Variants in LARP1 observed in about 807,000 individuals in gnomAD.
LARP1 encodes the protein La ribonucleoprotein 1, translational regulator, also known as la-related protein 1.
A neutral mutation model predicts 122.7 loss-of-function variants in LARP1; 36 were observed. The ratio of observed to expected loss-of-function variants is 0.29; its 90% CI spans 0.22 to 0.39. The LOEUF (loss-of-function observed/expected upper bound fraction) is 0.39, where lower values mean the gene tolerates loss of function less well. Ranked by LOEUF, LARP1 falls within the 10% of genes least tolerant of loss-of-function variation. The probability of loss-of-function intolerance (pLI) is 1.00; values close to 1 mark genes in which losing one functional copy is unlikely to be tolerated. For missense variants in LARP1, 1,040 were observed against 1,403.6 expected, an observed-to-expected ratio of 0.74 and a Z score of 4.14; for synonymous variants, 539 against 528.7, an observed-to-expected ratio of 1.02 and a Z score of -0.27.
intron 1 of LARP1, among the ~76,000 whole-genome samples, chr5:154,748,080 C>G (rs531385060): frequency 6.6e-6 from 1 of 152,280 alleles, no homozygotes; most frequent in Admixed American, 6.5e-5. Flanking sequence ...GAACTCCTGG[C>G]CTCAAGGGAT....
intron 1 of LARP1, among the ~76,000 whole-genome samples, chr5:154,714,592 G>A (rs1755388706): frequency 6.6e-6 from 1 of 152,132 alleles, no homozygotes; most frequent in Non-Finnish European, 1.5e-5. Flanking sequence ...GATGACCCTG[G>A]GTGTAAGTCA....
intron 14 of LARP1, chr5:154,804,670 GA>G (rs1758614031): frequency 2.4e-6 from 1 of 422,048 alleles, no homozygotes; most frequent in Non-Finnish European, 4.6e-6. Context: ...GAGGCTACTT[GA>G]AAAGTTTTAA....
chr5:154,801,919 G>A, intron 10 of LARP1, 88 bp from the exon 11 acceptor site: 1 of 1,300,306 alleles, frequency 7.7e-7, no homozygotes, highest in Non-Finnish European at 1.1e-6. Flanking sequence ...ATGTTGAGAG[G>A]CTGGAGCTTC....
chr5:154,772,894 T>G (rs1301185036), intron 1 of LARP1, among the ~76,000 whole-genome samples: 1 of 151,880 alleles, frequency 6.6e-6, no homozygotes, highest in Non-Finnish European at 1.5e-5. Flanking sequence ...TCCGTGTCGG[T>G]CAGTCTGGTC....
chr5:154,759,466 T>TA (rs1218808999), intron 1 of LARP1, among the ~76,000 whole-genome samples: 6 of 152,244 alleles, frequency 3.9e-5, no homozygotes, highest in Non-Finnish European at 8.8e-5. Context: ...TGCTGACTCT[T>TA]AAGAATTAGC....
chr5:154,733,820 C>A (rs1178583833), intron 1 of LARP1, among the ~76,000 whole-genome samples: 2 of 152,062 alleles, frequency 1.3e-5, no homozygotes, highest in African/African-American at 4.8e-5. Context: ...ACCTCGGCCT[C>A]TTAAAGTGGT....
At chr5:154,748,560 T>C (rs1226765724) in intron 1 of LARP1, among the ~76,000 whole-genome samples, 1 of 152,190 alleles carries the variant, frequency 6.6e-6, no homozygotes, top group African/African-American at 2.4e-5. Context: ...AGTTGACATT[T>C]GGTGCTGAGC....
At chr5:154,743,411 C>T (rs1018888550) in intron 1 of LARP1, among the ~76,000 whole-genome samples, 1 of 151,340 alleles carries the variant, frequency 6.6e-6, no homozygotes, top group Non-Finnish European at 1.5e-5. Context: ...CGGGTTCAAG[C>T]GATTCTCCTG....
chr5:154,724,909 T>C (rs1756103148), intron 1 of LARP1, among the ~76,000 whole-genome samples: 2 of 152,100 alleles, frequency 1.3e-5, no homozygotes, highest in Non-Finnish European at 2.9e-5. Flanking sequence ...TCAAGTGATC[T>C]GCCCACCTTG....
At chr5:154,811,451 C>T (rs1759262823) in intron 17 of LARP1, 62 bp from the exon 18 acceptor site, 1 of 1,612,374 alleles carries the variant, frequency 6.2e-7, no homozygotes, top group African/African-American at 1.3e-5. Flanking sequence ...CACAACACCT[C>T]CCTCTCTCCT....
At chr5:154,709,087 G>C (rs539111306), upstream of LARP1, among the ~76,000 whole-genome samples, 1 of 152,200 alleles carries the variant, frequency 6.6e-6, no homozygotes, top group African/African-American at 2.4e-5. Flanking sequence ...AATTTGTCCA[G>C]TTGTGGTGCT....
chr5:154,779,658 G>A (rs1456294330), intron 1 of LARP1, among the ~76,000 whole-genome samples: 5 of 151,998 alleles, frequency 3.3e-5, no homozygotes, highest in East Asian at 1.9e-4. Flanking sequence ...ACAGGCATGC[G>A]CCACCACACC....
chr5:154,683,720 G>A (rs563006983), intron 1 of LARP1, among the ~76,000 whole-genome samples: 8 of 152,334 alleles, frequency 5.3e-5, no homozygotes, highest in African/African-American at 1.9e-4. Context: ...TGGCCTTAAA[G>A]CTGAAGGGGA....
chr5:154,748,647 A>C (rs746982136), intron 1 of LARP1, among the ~76,000 whole-genome samples: 1 of 152,190 alleles, frequency 6.6e-6, no homozygotes, highest in African/African-American at 2.4e-5. Context: ...ATGAAAGGGA[A>C]TATTACTTAG....
At chr5:154,765,157 C>T (rs930839532) in intron 1 of LARP1, among the ~76,000 whole-genome samples, 50 of 152,134 alleles carry the variant, frequency 3.3e-4, no homozygotes, top group African/African-American at 1.0e-3. Flanking sequence ...CCTCTGACCT[C>T]ATCTTTCATC....
chr5:154,715,307 C>T lies in LARP1; in HGVS notation c.205+2177C>T, dbSNP rs796938645. 7.3e-5 allele frequency among the ~76,000 whole-genome samples: 10 copies of T among 137,262 alleles called. 1 individual carries two copies. The highest frequency in any genetic ancestry group is 2.5e-4 in the African/African-American group (9 of 35,966). The allele number at this position is 137,262 out of a possible 152,430, so 90.0% of individuals were successfully genotyped here. A position where few individuals can be genotyped will look rare whatever the true frequency, so the allele number is the denominator to read the frequency against. ...TTTTGAGTCAGTTTCACTTATTGCCCAGGCTGGAGTGCAATGGCTTGATCT... is the reference window on the plus strand; with the variant it reads ...TTTTGAGTCAGTTTCACTTATTGCCTAGGCTGGAGTGCAATGGCTTGATCT... On this transcript the variant is annotated intron_variant, in intron 1 of 18. Transcript: ENST00000336314.
At chr5:154,741,387 G>A (rs1752873318) in intron 1 of LARP1, among the ~76,000 whole-genome samples, 1 of 152,210 alleles carries the variant, frequency 6.6e-6, no homozygotes, top group Non-Finnish European at 1.5e-5. Flanking sequence ...AAATAGCCAC[G>A]TGCTCCAGGG....
At chr5:154,754,038 C>T (rs909616856), upstream of LARP1, among the ~76,000 whole-genome samples, 1 of 152,230 alleles carries the variant, frequency 6.6e-6, no homozygotes, top group Non-Finnish European at 1.5e-5. Flanking sequence ...GCTAGACACG[C>T]AGATTTCTGG....
At chr5:154,686,645 A>C (rs4958762) in intron 1 of LARP1, among the ~76,000 whole-genome samples, 2 of 151,992 alleles carry the variant, frequency 1.3e-5, no homozygotes, top group Non-Finnish European at 2.9e-5. Context: ...CCAGTTTGCC[A>C]CAGTCCTTAC....
Sources: allele counts gnomAD v4.1 joint callset (sites outside exome capture counted in the v4.1 genomes callset), GRCh38; gene constraint gnomAD v4.1.1; transcripts MANE v1.5; gene names NCBI Gene and HGNC (gene_info 2026-07-23, HGNC 2026-07-21).